ACAD9: variants seen among roughly 807,000 people sequenced by gnomAD.
The protein encoded by ACAD9 is complex I assembly factor ACAD9, mitochondrial.
ACAD9 carries 53 observed loss-of-function variants against 70.2 expected under a neutral mutation model. The observed-to-expected ratio is 0.75, with a 90% CI of 0.61 to 0.95. The LOEUF is 0.95. Ranked by LOEUF, ACAD9 falls within the 40% of genes least tolerant of loss-of-function variation. The pLI is 0.00. For missense variants in ACAD9, 777 were observed against 802.8 expected, an observed-to-expected ratio of 0.97 and a Z score of 0.39; for synonymous variants, 313 against 312.1, an observed-to-expected ratio of 1.00 and a Z score of -0.03.
intron 13 of ACAD9, chr3:128,908,654 A>C: frequency 1.9e-6 from 1 of 534,174 alleles, no homozygotes; most frequent in Non-Finnish European, 3.4e-6. Context: ...CCCCCACCCT[A>C]GGGGCACAGT....
chr3:128,905,907 G>A (rs1354569146), intron 11 of ACAD9, among the ~76,000 whole-genome samples: 1 of 152,114 alleles, frequency 6.6e-6, no homozygotes. Context: ...TAGGGTGAAG[G>A]CAGGCCCAGA....
rs1935023822 is a variant in ACAD9, at chr3:128,879,634, T to G, written c.-58T>G. ...CCAGTAACGTCATCAGACGTGTGTG[T>G]GTCCCTGCGGCGCTAAGAAGGGGAG... On this transcript the variant is annotated 5_prime_UTR_variant, in exon 1 of 18. Coordinates refer to ENST00000308982, the MANE Select transcript of ACAD9 (RefSeq NM_014049.5). The G allele has an allele frequency of 6.3e-7, 1 of 1,599,746 alleles. No homozygotes were observed. The highest frequency in any genetic ancestry group is 8.5e-7 in the Non-Finnish European group (1 of 1,169,980).
chr3:128,906,018 G>T (rs552862189), intron 11 of ACAD9, 103 bp from the exon 12 acceptor site: 72 of 1,533,632 alleles, frequency 4.7e-5, no homozygotes, highest in Non-Finnish European at 6.2e-5. Context: ...CTCCCTGGCC[G>T]ATCTCCTCCC....
chr3:128,886,939 T>G (rs1018211350), intron 2 of ACAD9, among the ~76,000 whole-genome samples: 5 of 152,036 alleles, frequency 3.3e-5, no homozygotes, highest in Non-Finnish European at 7.4e-5. Flanking sequence ...TTTGTTTGTT[T>G]GTTTCTGAGA....
Position 128,899,408 on chromosome 3 carries a change from G to T in ACAD9, c.755G>T (p.Gly252Val). The T allele has an allele frequency of 2.5e-6, 4 of 1,614,240 alleles. No individual in the cohort carries two copies. The Admixed American group carries it at 6.7e-5, about 27-fold the overall frequency. ...ITAFIVERDF[G>V]GVTNGKPEDK... Reference sequence around the variant, plus strand: ...GCATTCATAGTAGAAAGAGACTTTGGTGGAGTCACTAATGGGAAACCCGAA... The same window carrying T: ...GCATTCATAGTAGAAAGAGACTTTGTTGGAGTCACTAATGGGAAACCCGAA... The change falls in exon 7 of 18, where the codon GGT (glycine) becomes GTT (valine). Residue 252 changes from glycine to valine, a missense_variant. By Grantham distance (109) the Gly-to-Val change is moderately radical (BLOSUM62 -3). Coordinates refer to ENST00000308982, the MANE Select transcript of ACAD9 (RefSeq NM_014049.5).
chr3:128,906,355 C>T (rs1331770283), intron 12 of ACAD9, 106 bp downstream of exon 12: 8 of 1,544,638 alleles, frequency 5.2e-6, no homozygotes, highest in African/African-American at 2.7e-5. Context: ...AGGGCTGGGT[C>T]GCATGCTCTC....
chr3:128,912,341 TCCCTGCAG>T (rs1242723044), intron 17 of ACAD9, among the ~76,000 whole-genome samples, 158 bp from the exon 18 acceptor site: 1 of 152,094 alleles, frequency 6.6e-6, no homozygotes. Context: ...CCCCTTTCTC[TCCCTGCAG>T]CCCTGAATCA....
Position 128,913,100 on chromosome 3 carries a change from A to G in ACAD9, c.*493A>G, listed in dbSNP as rs1485920096. ...TTAACAAAGAATATAAAATGTCACAATCTGTGTACTGTTAGCCTTTGCTGT... is the reference window on the plus strand; with the variant it reads ...TTAACAAAGAATATAAAATGTCACAGTCTGTGTACTGTTAGCCTTTGCTGT... On this transcript the variant is annotated 3_prime_UTR_variant, in exon 18 of 18. Transcript: ENST00000308982. 3 of 451,714 alleles carry G rather than the reference A, an allele frequency of 6.6e-6. No homozygotes were observed. The highest frequency in any genetic ancestry group is 1.3e-5 in the Non-Finnish European group (3 of 224,452). 28.0% of individuals were successfully genotyped at this position (451,714 alleles called of 1,614,324 possible). A position where few individuals can be genotyped will look rare whatever the true frequency, so the allele number is the denominator to read the frequency against.
chr3:128,900,460 G>T lies in ACAD9; in HGVS notation c.809-816G>T, dbSNP rs143294265. Among the ~76,000 whole-genome samples, 466 of 151,354 alleles carry T rather than the reference G, an allele frequency of 3.1e-3. 2 individuals are homozygous for T. Among genetic ancestry groups the T allele is most frequent in the African/African-American group, 0.011 (438 of 41,210 alleles). ...TCACCATGTTAGCCAGGATGGCCTC[G>T]ATCTCCTGACCTCGTGATCCGCTCA... On this transcript the variant is annotated intron_variant, in intron 7 of 17. Coordinates refer to ENST00000308982, the MANE Select transcript of ACAD9 (RefSeq NM_014049.5).
rs2107653709 is a variant in ACAD9 at position 128,899,277 on chromosome 3, C to T, written c.634-10C>T. The T allele has an allele frequency of 6.2e-7, 1 of 1,614,148 alleles. No homozygotes were observed. The highest frequency in any genetic ancestry group is 8.5e-7 in the Non-Finnish European group (1 of 1,179,996). On this transcript the variant is annotated splice_polypyrimidine_tract_variant and intron_variant, in intron 6 of 17. Transcript: ENST00000308982. ...TTGGTTTTCTCCAAAGTCCATCTTT[C>T]TGTCCTCAGGTCTGGATTACTAATG...
chr3:128,884,857 T>C lies in ACAD9; in HGVS notation c.244+111T>C, dbSNP rs1935202200. 5 of 880,462 alleles carry C rather than the reference T, an allele frequency of 5.7e-6. No homozygotes were observed. The Admixed American group carries it at 7.3e-5, about 13-fold the overall frequency. The allele number at this position is 880,462 out of a possible 1,614,324, so 54.5% of individuals were successfully genotyped here. A position where few individuals can be genotyped will look rare whatever the true frequency, so the allele number is the denominator to read the frequency against. ...GAAGTCTTCTTGAGGGAGAAATGGT[T>C]TCCACTCATAATATTTTGCTTTAGG... On this transcript the variant is annotated intron_variant, in intron 2 of 17. Coordinates refer to ENST00000308982, the MANE Select transcript of ACAD9 (RefSeq NM_014049.5).
chr3:128,886,882 CTT>C (rs751765275), intron 2 of ACAD9, among the ~76,000 whole-genome samples: 10 of 143,046 alleles, frequency 7.0e-5, no homozygotes, highest in Non-Finnish European at 4.6e-5. Context: ...ACTGTGCAGT[CTT>C]TTTTTTTTTT....
Position 128,904,374 on chromosome 3 carries a change from T to G in ACAD9, c.1030-12T>G. The G allele has an allele frequency of 6.2e-7, 1 of 1,614,242 alleles. No homozygotes were observed. The highest frequency in any genetic ancestry group is 8.5e-7 in the Non-Finnish European group (1 of 1,180,042). On this transcript the variant is annotated splice_polypyrimidine_tract_variant and intron_variant, in intron 10 of 17. Coordinates refer to ENST00000308982, the MANE Select transcript of ACAD9 (RefSeq NM_014049.5). ...TGCAAATTGTTTCTTGTGTTTTTTC[T>G]GAACACTCCAGGAGAAATTTGCACT...
intron 1 of ACAD9, among the ~76,000 whole-genome samples, chr3:128,882,756 A>G (rs1935129653): frequency 6.6e-6 from 1 of 152,232 alleles, no homozygotes; most frequent in Non-Finnish European, 1.5e-5. Context: ...TCTTTGAATA[A>G]CAGGTTCCAC....
At chr3:128,910,325 TCTTC>T in intron 16 of ACAD9, 176 bp downstream of exon 16, 1 of 1,475,814 alleles carries the variant, frequency 6.8e-7, no homozygotes, top group Non-Finnish European at 9.0e-7. Context: ...TTCCCTTTCT[TCTTC>T]CTGACTGAGA....
At chr3:128,903,661 G>A (rs1248489258) in intron 9 of ACAD9, among the ~76,000 whole-genome samples, 1 of 152,234 alleles carries the variant, frequency 6.6e-6, no homozygotes, top group Non-Finnish European at 1.5e-5. Context: ...ACTGCACGGG[G>A]TGTGAGCCTG....
At position 128,912,655 on chromosome 3, in the gene ACAD9, G is replaced by C. The variant is rs773362534; in HGVS notation, c.*48G>C. 7 of 1,454,662 alleles carry C rather than the reference G, an allele frequency of 4.8e-6. No individual in the cohort carries two copies. The African/African-American group carries it at 9.8e-5, about 20-fold the overall frequency. 90.1% of individuals were successfully genotyped at this position (1,454,662 alleles called of 1,614,324 possible). ...TACCGCCCGCCCCTACCCATGGCCCGTTGCTGGATGACTGTTACTCTTTTT... is the reference window on the plus strand; with the variant it reads ...TACCGCCCGCCCCTACCCATGGCCCCTTGCTGGATGACTGTTACTCTTTTT... On this transcript the variant is annotated 3_prime_UTR_variant, in exon 18 of 18. Transcript: ENST00000308982.
chr3:128,892,959 T>C (rs1396638183), intron 2 of ACAD9, among the ~76,000 whole-genome samples: 1 of 152,166 alleles, frequency 6.6e-6, no homozygotes, highest in Non-Finnish European at 1.5e-5. Flanking sequence ...CATGAATGTA[T>C]ATAATTTGCT....
chr3:128,887,474 G>A (rs574195417), intron 2 of ACAD9, among the ~76,000 whole-genome samples: 43 of 151,776 alleles, frequency 2.8e-4, no homozygotes, highest in African/African-American at 9.4e-4. Context: ...GGGCATGGTG[G>A]TGCGCGCCCA....
Sources: gnomAD v4.1 joint callset for allele counts (sites outside exome capture counted in the v4.1 genomes callset) on GRCh38, gnomAD v4.1.1 for gene constraint, MANE v1.5 for transcripts, NCBI Gene and HGNC (gene_info 2026-07-23, HGNC 2026-07-21) for gene names.